Variants in ADGRL2 observed in about 807,000 individuals in gnomAD.
ADGRL2 encodes the protein adhesion G protein-coupled receptor L2, also known as calcium-independent alpha-latrotoxin receptor 2.
A neutral mutation model predicts 157.4 loss-of-function variants in ADGRL2; 44 were observed. The observed-to-expected ratio is 0.28, with a 90% CI of 0.22 to 0.36. ADGRL2 has a LOEUF of 0.36. ADGRL2 is among the 10% of genes least tolerant of loss of function. ADGRL2 has a pLI of 1.00. For synonymous variants in ADGRL2, 585 were observed against 624.7 expected, an observed-to-expected ratio of 0.94 and a Z score of 0.95; for missense variants, 1,510 against 1,768.9, an observed-to-expected ratio of 0.85 and a Z score of 2.63.
At chr1:81,503,274 G>A (rs1397611146) in intron 2 of ADGRL2, 7 of 1,614,088 alleles carry the variant, frequency 4.3e-6, no homozygotes, top group Admixed American at 3.3e-5. Flanking sequence ...GCGTTAACAT[G>A]TCTGTGGACA....
At chr1:81,900,893 T>C (rs756379192) in intron 2 of ADGRL2, among the ~76,000 whole-genome samples, 4 of 151,988 alleles carry the variant, frequency 2.6e-5, no homozygotes, top group Non-Finnish European at 4.4e-5. Context: ...AGAGGTGATA[T>C]CTAGGAGCCG....
chr1:81,692,138 G>A (rs936159157), intron 3 of ADGRL2, among the ~76,000 whole-genome samples: 1 of 151,762 alleles, frequency 6.6e-6, no homozygotes, highest in Non-Finnish European at 1.5e-5. Flanking sequence ...CGGGTGTGGT[G>A]GCTCACGCCT....
intron 2 of ADGRL2, among the ~76,000 whole-genome samples, chr1:81,481,874 A>G (rs192210980): frequency 3.9e-5 from 6 of 152,214 alleles, no homozygotes; most frequent in Admixed American, 2.6e-4. Flanking sequence ...CTTTGCCTCC[A>G]TCTCACACAG....
At chr1:81,873,158 T>G (rs2093742827) in intron 2 of ADGRL2, among the ~76,000 whole-genome samples, 1 of 152,110 alleles carries the variant, frequency 6.6e-6, no homozygotes. Flanking sequence ...GTTAACATGC[T>G]TTAAGGAAAA....
At chr1:81,355,748 A>T (rs747731920) in intron 1 of ADGRL2, among the ~76,000 whole-genome samples, 10 of 152,188 alleles carry the variant, frequency 6.6e-5, no homozygotes, top group Non-Finnish European at 1.2e-4. Context: ...GAATTCCCAC[A>T]GGTGTTCTGT....
chr1:81,388,233 C>T (rs574603571), intron 1 of ADGRL2, among the ~76,000 whole-genome samples: 1 of 152,080 alleles, frequency 6.6e-6, no homozygotes, highest in Non-Finnish European at 1.5e-5. Flanking sequence ...ACACATAGTG[C>T]TTTGTGTGTG....
At chr1:81,385,909 G>A (rs1180364053) in intron 1 of ADGRL2, among the ~76,000 whole-genome samples, 1 of 151,856 alleles carries the variant, frequency 6.6e-6, no homozygotes, top group Non-Finnish European at 1.5e-5. Flanking sequence ...AAAATGAAAG[G>A]TCTTTAGAAA....
intron 4 of ADGRL2, among the ~76,000 whole-genome samples, chr1:81,939,400 G>A (rs1647185296): frequency 6.6e-6 from 1 of 151,522 alleles, no homozygotes; most frequent in Non-Finnish European, 1.5e-5. Flanking sequence ...CATCCTGCAA[G>A]CAGGATTTGG....
chr1:81,354,799 T>C (rs542631287), intron 1 of ADGRL2, among the ~76,000 whole-genome samples: 10 of 152,332 alleles, frequency 6.6e-5, no homozygotes, highest in African/African-American at 2.4e-4. Context: ...TTCCTCGCTG[T>C]CAACTAGTCC....
chr1:81,487,599 G>T (rs954357982), intron 2 of ADGRL2, among the ~76,000 whole-genome samples: 1 of 152,014 alleles, frequency 6.6e-6, no homozygotes, highest in Non-Finnish European at 1.5e-5. Flanking sequence ...GAGCTGAGAT[G>T]GCGCCACTGA....
intron 1 of ADGRL2, among the ~76,000 whole-genome samples, chr1:81,375,352 A>G (rs1372070183): frequency 6.6e-6 from 1 of 152,196 alleles, no homozygotes; most frequent in Non-Finnish European, 1.5e-5. Context: ...GTAAAGCAGG[A>G]CCAAATTATG....
At chr1:81,960,277 G>A (rs1017037532) in intron 11 of ADGRL2, among the ~76,000 whole-genome samples, 2 of 152,092 alleles carry the variant, frequency 1.3e-5, no homozygotes, top group African/African-American at 4.8e-5. Flanking sequence ...TATGCTGATG[G>A]TTAGATTTAG....
chr1:81,710,334 A>G (rs1207381007), intron 1 of ADGRL2, among the ~76,000 whole-genome samples: 1 of 152,096 alleles, frequency 6.6e-6, no homozygotes, highest in African/African-American at 2.4e-5. Flanking sequence ...TGAGGATTCT[A>G]AGAACTCTTG....
At chr1:81,723,700 C>T (rs1421730290) in intron 1 of ADGRL2, among the ~76,000 whole-genome samples, 1 of 152,108 alleles carries the variant, frequency 6.6e-6, no homozygotes, top group Non-Finnish European at 1.5e-5. Flanking sequence ...CTGGGACCAC[C>T]AGTATTTCAG....
chr1:81,393,834 G>C lies in ADGRL2; in HGVS notation c.-301-51202G>C, dbSNP rs77631647. On this transcript the variant is annotated intron_variant, in intron 1 of 24. Transcript: ENST00000370721. The stretch of plus-strand genomic sequence containing the variant: ...ATTGCCTTGCTTTTTTTTTTTTTTT[G>C]CTTTTTTTTGCTTTTTTCTCCCAGA... Among the ~76,000 whole-genome samples, 228 of 88,816 alleles carry C rather than the reference G, an allele frequency of 2.6e-3. 1 individual carries two copies. The highest frequency in any genetic ancestry group is 4.6e-3 in the Non-Finnish European group (192 of 41,450). 58.3% of individuals were successfully genotyped at this position (88,816 alleles called of 152,430 possible).
At chr1:81,595,371 G>C (rs376786785) in intron 3 of ADGRL2, among the ~76,000 whole-genome samples, 3 of 152,196 alleles carry the variant, frequency 2.0e-5, no homozygotes, top group African/African-American at 7.2e-5. Context: ...TTGAAAGATT[G>C]TGAACAATGT....
Position 81,902,554 on chromosome 1 carries a change from C to T in ADGRL2, c.74-4463C>T, listed in dbSNP as rs143538537. The stretch of plus-strand genomic sequence containing the variant: ...TGGAGGTTGCAGTGAGCCAAAATTG[C>T]ACCACTGCACTCCTGCACTCCAGCC... On this transcript the variant is annotated intron_variant, in intron 2 of 23. Transcript: ENST00000686636. 2.4e-3 allele frequency among the ~76,000 whole-genome samples: 366 copies of T among 152,188 alleles called. 2 individuals are homozygous for T. The highest frequency in any genetic ancestry group is 8.5e-3 in the African/African-American group (354 of 41,546).
intron 2 of ADGRL2, among the ~76,000 whole-genome samples, chr1:81,575,848 A>G (rs1488068155): frequency 6.6e-6 from 1 of 152,128 alleles, no homozygotes; most frequent in African/African-American, 2.4e-5. Flanking sequence ...TCTAAATTGA[A>G]TTTCTTTTAA....
chr1:81,952,728 A>G (rs1042402188), intron 9 of ADGRL2, among the ~76,000 whole-genome samples: 1 of 139,962 alleles, frequency 7.1e-6, no homozygotes. Flanking sequence ...ACCTGGTTAA[A>G]AAATTGACTT....
Sources: allele counts gnomAD v4.1 joint callset (sites outside exome capture counted in the v4.1 genomes callset), GRCh38; gene constraint gnomAD v4.1.1; transcripts MANE v1.5; gene names NCBI Gene and HGNC (gene_info 2026-07-23, HGNC 2026-07-21).